DNAH17: variants seen among roughly 807,000 people sequenced by gnomAD.
DNAH17 encodes axonemal beta dynein heavy chain 17.
In DNAH17, 376 loss-of-function variants were observed where a neutral mutation model predicts 485.6. That is an observed-to-expected ratio of 0.77 (90% CI 0.71 to 0.84). DNAH17 has a LOEUF of 0.84. Among genes scored for constraint, DNAH17 ranks in the 40% least tolerant of loss-of-function variants. The pLI is 0.00. For synonymous variants in DNAH17, 3,031 were observed against 2,405.9 expected (o/e 1.26, Z -7.60); for missense variants, 6,370 against 5,839.3 (o/e 1.09, Z -2.96).
intron 47 of DNAH17, 71 bp from the exon 48 acceptor site, chr17:78,485,104 C>G: frequency 6.7e-7 from 1 of 1,491,122 alleles, no homozygotes; most frequent in Non-Finnish European, 8.9e-7. Flanking sequence ...GGGAGGGGCG[C>G]TACCTGCTTC....
chr17:78,532,832 G>A (rs1342393434), intron 19 of DNAH17, 96 bp from the exon 20 acceptor site: 3 of 1,349,914 alleles, frequency 2.2e-6, no homozygotes, highest in African/African-American at 2.9e-5. Context: ...GTTCTCTGTT[G>A]GCGAAAGGGC....
chr17:78,425,236 G>T, intron 80 of DNAH17, 110 bp downstream of exon 80: 1 of 1,105,442 alleles, frequency 9.0e-7, no homozygotes, highest in Non-Finnish European at 1.3e-6. Context: ...TCTCCTGCCT[G>T]TCCCCACAGC....
At chr17:78,479,176 A>C (rs1205525803) in intron 50 of DNAH17, 60 bp from the exon 51 acceptor site, 1 of 1,543,716 alleles carries the variant, frequency 6.5e-7, no homozygotes, top group African/African-American at 1.4e-5. Context: ...AGGAAGTGCA[A>C]GCCTCAAGTT....
intron 18 of DNAH17, among the ~76,000 whole-genome samples, chr17:78,537,740 G>A (rs568404955): frequency 1.3e-5 from 2 of 152,352 alleles, no homozygotes; most frequent in Admixed American, 1.3e-4. Flanking sequence ...CTCAGACCTC[G>A]GTTCAAAGCC....
At chr17:78,560,084 G>A (rs558812031) in intron 13 of DNAH17, among the ~76,000 whole-genome samples, 14 of 152,142 alleles carry the variant, frequency 9.2e-5, no homozygotes, top group African/African-American at 3.1e-4. Context: ...TGACTCCCTC[G>A]TGAATGCTAG....
At chr17:78,479,171 G>A in intron 50 of DNAH17, 55 bp from the exon 51 acceptor site, 1 of 1,558,632 alleles carries the variant, frequency 6.4e-7, no homozygotes, top group Non-Finnish European at 8.8e-7. Flanking sequence ...GCCCCAGGAA[G>A]TGCAAGCCTC....
intron 79 of DNAH17, among the ~76,000 whole-genome samples, chr17:78,425,949 G>C (rs902932824): frequency 1.3e-5 from 2 of 152,012 alleles, no homozygotes; most frequent in African/African-American, 4.8e-5. Context: ...TATTTTTAGA[G>C]ATGGGGTTTC....
intron 11 of DNAH17, among the ~76,000 whole-genome samples, chr17:78,562,197 G>A (rs569097891): frequency 1.3e-5 from 2 of 152,272 alleles, no homozygotes; most frequent in South Asian, 4.1e-4. Flanking sequence ...CAAATACTTG[G>A]CTTATAATCC....
intron 77 of DNAH17, chr17:78,428,252 G>A: frequency 4.0e-6 from 2 of 497,788 alleles, no homozygotes; most frequent in Middle Eastern, 5.6e-4. Flanking sequence ...GCAGGGTGGA[G>A]GGCTGGGATG....
At chr17:78,505,197 G>A in intron 31 of DNAH17, 96 bp downstream of exon 31, 1 of 1,516,516 alleles carries the variant, frequency 6.6e-7, no homozygotes, top group African/African-American at 1.4e-5. Context: ...TGCACAGGGT[G>A]CTGGTTCTCC....
chr17:78,501,357 C>A lies in DNAH17; in HGVS notation c.5323-13G>T, dbSNP rs1276227518. ...GAGAACTCTCCACCTGCAGGATGAG[C>A]CGGAGCTCTTGTTGCCAGGTGGAAT... On this transcript the variant is annotated splice_polypyrimidine_tract_variant and intron_variant, in intron 34 of 80. Transcript: ENST00000389840. 1 of 1,579,154 alleles carries A rather than the reference C, an allele frequency of 6.3e-7. No homozygotes were observed. The highest frequency in any genetic ancestry group is 1.1e-5 in the South Asian group (1 of 88,792).
chr17:78,470,137 G>A (rs1339919091), intron 54 of DNAH17, among the ~76,000 whole-genome samples: 4 of 139,382 alleles, frequency 2.9e-5, no homozygotes, highest in African/African-American at 8.1e-5. Context: ...GCAGTGTCGC[G>A]ATCTTGGCTC....
chr17:78,485,956 T>C lies in DNAH17; in HGVS notation c.7275+4A>G. 1 of 1,611,184 alleles carries C rather than the reference T, an allele frequency of 6.2e-7. No individual in the cohort carries two copies. The highest frequency in any genetic ancestry group is 8.5e-7 in the Non-Finnish European group (1 of 1,179,390). On this transcript the variant is annotated splice_donor_region_variant and intron_variant, in intron 46 of 80. Transcript: ENST00000389840. ...GTCGGTGGCCCTGCTTTGGGGACAG[T>C]TACCTGCAGTGGGACATCGGGATCC...
At chr17:78,462,766 G>C (rs562783324) in intron 57 of DNAH17, 78 bp downstream of exon 57, 1 of 1,439,212 alleles carries the variant, frequency 6.9e-7, no homozygotes, top group Admixed American at 1.9e-5. Flanking sequence ...CCAGCCCGTG[G>C]ATGCCTGTGA....
At chr17:78,542,833 G>A (rs1040696613) in intron 17 of DNAH17, among the ~76,000 whole-genome samples, 6 of 152,220 alleles carry the variant, frequency 3.9e-5, no homozygotes, top group Non-Finnish European at 7.3e-5. Context: ...AATGGTCCTC[G>A]CTCTTCCCAT....
intron 59 of DNAH17, 62 bp downstream of exon 59, chr17:78,460,100 C>T (rs2088024731): frequency 6.3e-7 from 1 of 1,578,692 alleles, no homozygotes; most frequent in African/African-American, 1.3e-5. Context: ...CCCACGCCAA[C>T]AGCGAAGGCA....
chr17:78,574,633 G>T, intron 2 of DNAH17, 80 bp downstream of exon 2: 2 of 1,292,062 alleles, frequency 1.5e-6, no homozygotes, highest in Non-Finnish European at 1.1e-6. Context: ...AGGGACTCCA[G>T]GCTGAGCAGC....
intron 30 of DNAH17, 134 bp from the exon 31 acceptor site, chr17:78,505,579 A>G: frequency 8.7e-7 from 1 of 1,151,038 alleles, no homozygotes; most frequent in South Asian, 1.5e-5. Flanking sequence ...AACGTTGACT[A>G]AACATGACTA....
At chr17:78,569,292 A>C (rs751704947) in intron 8 of DNAH17, 40 bp from the exon 9 acceptor site, 2 of 1,597,300 alleles carry the variant, frequency 1.3e-6, no homozygotes, top group Non-Finnish European at 8.5e-7. Context: ...CGTTTGCTTC[A>C]AATGTCCCAA....
Sources: gnomAD v4.1 joint callset for allele counts (sites outside exome capture counted in the v4.1 genomes callset) on GRCh38, gnomAD v4.1.1 for gene constraint, MANE v1.5 for transcripts, NCBI Gene and HGNC (gene_info 2026-07-23, HGNC 2026-07-21) for gene names.